Variants in NCAPG2 observed in about 807,000 individuals in gnomAD.
The protein encoded by NCAPG2 is non-SMC condensin II complex subunit G2.
Under a neutral mutation model 141.1 loss-of-function variants are expected in NCAPG2, and 53 were observed. That is an observed-to-expected ratio of 0.38 (90% CI 0.30 to 0.47). The LOEUF (loss-of-function observed/expected upper bound fraction) is 0.47, where lower values mean the gene tolerates loss of function less well. NCAPG2 is among the 20% of genes least tolerant of loss of function. NCAPG2 has a pLI of 0.99. For synonymous variants in NCAPG2, 499 were observed against 490.7 expected, an observed-to-expected ratio of 1.02 and a Z score of -0.22; for missense variants, 1,087 against 1,389.0, an observed-to-expected ratio of 0.78 and a Z score of 3.46.
chr7:158,704,541 C>T (rs1836044796), intron 1 of NCAPG2, among the ~76,000 whole-genome samples, 183 bp downstream of exon 1: 1 of 152,200 alleles, frequency 6.6e-6, no homozygotes, highest in Non-Finnish European at 1.5e-5. Flanking sequence ...GGGGGGATGG[C>T]CCGGGGTCGC....
chr7:158,666,703 G>C (rs1349190500), intron 13 of NCAPG2, among the ~76,000 whole-genome samples: 1 of 151,836 alleles, frequency 6.6e-6, no homozygotes, highest in African/African-American at 2.4e-5. Flanking sequence ...AAGGCAGGAG[G>C]ATCGCTTGAG....
At chr7:158,673,781 C>T (rs1400369951) in intron 12 of NCAPG2, among the ~76,000 whole-genome samples, 1 of 152,184 alleles carries the variant, frequency 6.6e-6, no homozygotes, top group Admixed American at 6.5e-5. Flanking sequence ...GCGCACGGCT[C>T]CCTGGCTCCT....
chr7:158,695,907 C>T (rs939661527), intron 2 of NCAPG2, among the ~76,000 whole-genome samples: 1 of 152,216 alleles, frequency 6.6e-6, no homozygotes, highest in Non-Finnish European at 1.5e-5. Flanking sequence ...GATGAGGGGC[C>T]GGTGGGGTGG....
In NCAPG2 at chr7:158,633,153, G is replaced by A. The variant is rs560403843; in HGVS notation, c.3381-1436C>T. On this transcript the variant is annotated intron_variant, in intron 27 of 27. Transcript: ENST00000356309. This position sits in a 1 kb window ranked among gnomAD's most constrained non-coding sequence, Gnocchi z 4.1. ...AAGCTCTGGGGAATTTTTTCCTATC[G>A]TTGTTGAATCACTGCTTCTCCTTGC... 2.0e-5 allele frequency among the ~76,000 whole-genome samples: 3 copies of A among 151,982 alleles called. No homozygotes were observed. Among genetic ancestry groups the A allele is most frequent in the African/African-American group, 4.8e-5 (2 of 41,442 alleles).
intron 22 of NCAPG2, among the ~76,000 whole-genome samples, chr7:158,654,254 A>G (rs1290898898): frequency 6.6e-6 from 1 of 152,194 alleles, no homozygotes; most frequent in Non-Finnish European, 1.5e-5. Flanking sequence ...ACAGGAGCAC[A>G]TGACCAGAGC....
At position 158,680,806 on chromosome 7, in the gene NCAPG2, T is replaced by G; in HGVS notation, c.935A>C (p.Tyr312Ser). 1 of 1,603,378 alleles carries G rather than the reference T, an allele frequency of 6.2e-7. No individual in the cohort carries two copies. The highest frequency in any genetic ancestry group is 8.5e-7 in the Non-Finnish European group (1 of 1,174,954). Residue 312 changes from tyrosine to serine, a missense_variant, in exon 10 of 28, where the codon TAC becomes TCC. Transcript: ENST00000356309. ...VHSKVREVLS[Y>S]FHHQKKVRQG... ...CCGAACTTTCTTTTGATGGTGAAAG[T>G]AACTCAGAACCTAAGGACCAAAAAA... is the stretch of plus-strand genomic sequence containing the variant.
At chr7:158,687,523 G>A (rs1834846810) in intron 6 of NCAPG2, 81 bp from the exon 7 acceptor site, 1 of 1,040,222 alleles carries the variant, frequency 9.6e-7, no homozygotes, top group Non-Finnish European at 1.4e-6. Flanking sequence ...TGAACGTCTA[G>A]TAAGCTAAAC....
At position 158,687,352 on chromosome 7, in the gene NCAPG2, G is replaced by C; in HGVS notation, c.763C>G (p.Gln255Glu). The C allele has an allele frequency of 6.2e-7, 1 of 1,602,582 alleles. No homozygotes were observed. The highest frequency in any genetic ancestry group is 8.5e-7 in the Non-Finnish European group (1 of 1,173,364). ...GTIKNQLQGL[Q>E]KSLMVYIAEI... ...TTCAGTACTTTTAACACTTACTTTT[G>C]TAATCCCTGTAACTGGTTTTTAATG... Residue 255 changes from glutamine (Q) to glutamate (E), a missense_variant, in exon 7 of 28, where the codon CAA (glutamine) becomes GAA (glutamate). By Grantham distance (29) the Gln-to-Glu change is conservative. Coordinates refer to ENST00000356309, the MANE Select transcript of NCAPG2 (RefSeq NM_017760.7).
At chr7:158,649,522 A>AT (rs979597322) in intron 24 of NCAPG2, among the ~76,000 whole-genome samples, 14 of 151,982 alleles carry the variant, frequency 9.2e-5, no homozygotes, top group Admixed American at 3.9e-4. Flanking sequence ...CAGGTCAAAC[A>AT]TTTTTTTTAT....
At chr7:158,683,234 A>G in intron 9 of NCAPG2, 66 bp downstream of exon 9, 1 of 1,308,990 alleles carries the variant, frequency 7.6e-7, no homozygotes, top group East Asian at 2.6e-5. Flanking sequence ...AAATTTAACC[A>G]AAACAATTAT....
At chr7:158,668,485 G>C in intron 13 of NCAPG2, 1 of 900,494 alleles carries the variant, frequency 1.1e-6, no homozygotes, top group Non-Finnish European at 1.3e-6. Context: ...ATCTTTTAGA[G>C]ATACATTCTG....
At chr7:158,672,170 C>T (rs1833729290) in intron 12 of NCAPG2, among the ~76,000 whole-genome samples, 1 of 151,776 alleles carries the variant, frequency 6.6e-6, no homozygotes, top group Non-Finnish European at 1.5e-5. Context: ...TCAGTCTGGG[C>T]CCCCAAACTC....
At chr7:158,691,342 A>G (rs989410901) in intron 4 of NCAPG2, among the ~76,000 whole-genome samples, 3 of 152,230 alleles carry the variant, frequency 2.0e-5, no homozygotes, top group Admixed American at 6.5e-5. Flanking sequence ...TGTTAGCACT[A>G]ATCATTTCAC....
At chr7:158,631,994 T>C (rs181467909) in intron 27 of NCAPG2, among the ~76,000 whole-genome samples, 1 of 152,144 alleles carries the variant, frequency 6.6e-6, no homozygotes, top group East Asian at 1.9e-4. Flanking sequence ...GGCAGTGTGC[T>C]ATGCTGGTGA....
rs567875836 is a variant in NCAPG2 at position 158,669,768 on chromosome 7, C to CAAAAAAAAAAAAAA, written c.1479+1732_1479+1745dup. On this transcript the variant is annotated intron_variant, in intron 13 of 27. Transcript: ENST00000356309. ...TGGGTGACAGAGCGAGACTCTGTCT[C>CAAAAAAAAAAAAAA]AAAAAAAAAAAAAAAAAAAAAAAAA... 3.0e-4 allele frequency among the ~76,000 whole-genome samples: 16 copies of CAAAAAAAAAAAAAA among 53,678 alleles called. 1 individual carries two copies. The highest frequency in any genetic ancestry group is 2.3e-3 in the South Asian group (2 of 870). The allele number at this position is 53,678 out of a possible 152,430, so 35.2% of individuals were successfully genotyped here.
intron 22 of NCAPG2, 45 bp downstream of exon 22, chr7:158,654,550 G>A (rs374257011): frequency 4.5e-5 from 70 of 1,568,590 alleles, no homozygotes; most frequent in African/African-American, 1.6e-4. Context: ...GGGAGGGAAG[G>A]ACTGGTTCTG....
At chr7:158,698,712 T>C (rs1309332184) in intron 2 of NCAPG2, among the ~76,000 whole-genome samples, 1 of 152,160 alleles carries the variant, frequency 6.6e-6, no homozygotes, top group African/African-American at 2.4e-5. Context: ...TGTTCAAATA[T>C]CATCTCTGAG....
chr7:158,646,585 A>C lies in NCAPG2; in HGVS notation c.3076-22T>G, dbSNP rs766656974. 1.4e-5 allele frequency: 22 copies of C among 1,524,686 alleles called. 1 individual carries two copies. In the South Asian group the frequency reaches 2.7e-4, roughly 19 times the overall value. The allele number at this position is 1,524,686 out of a possible 1,614,324, so 94.4% of individuals were successfully genotyped here. A position where few individuals can be genotyped will look rare whatever the true frequency, so the allele number is the denominator to read the frequency against. On this transcript the variant is annotated intron_variant, in intron 24 of 27. Coordinates refer to ENST00000356309, the MANE Select transcript of NCAPG2 (RefSeq NM_017760.7). ...AAACCTAAAAAAGTTCCAAATCAGC[A>C]AGTTGTAAACAGAGACTAGGCTACT...
At chr7:158,643,765 TAGTA>T (rs1486913328) in intron 27 of NCAPG2, among the ~76,000 whole-genome samples, 8 of 152,198 alleles carry the variant, frequency 5.3e-5, no homozygotes, top group African/African-American at 1.9e-4. Flanking sequence ...ACCGAGTCTA[TAGTA>T]AAATGCAGAG....
Sources: gnomAD v4.1 joint callset for allele counts (sites outside exome capture counted in the v4.1 genomes callset) on GRCh38, gnomAD v4.1.1 for gene constraint, Gnocchi (gnomAD v3.1) non-coding constraint, MANE v1.5 for transcripts, NCBI Gene and HGNC (gene_info 2026-07-23, HGNC 2026-07-21) for gene names.